The following SNX29 variants were observed in gnomAD, a reference collection of about 807,000 sequenced individuals.
SNX29 encodes the protein sorting nexin-29.
In SNX29, 78 loss-of-function variants were observed where a neutral mutation model predicts 102.1. The ratio of observed to expected loss-of-function variants is 0.76; its 90% CI spans 0.64 to 0.92. The LOEUF is 0.92. Ranked by LOEUF, SNX29 falls within the 40% of genes least tolerant of loss-of-function variation. The pLI is 0.00. For missense variants in SNX29, 1,280 were observed against 1,061.7 expected, an observed-to-expected ratio of 1.21 and a Z score of -2.86; for synonymous variants, 580 against 414.5, an observed-to-expected ratio of 1.40 and a Z score of -4.85.
chr16:12,099,821 CT>C (rs1307404651), intron 11 of SNX29, among the ~76,000 whole-genome samples: 1 of 152,116 alleles, frequency 6.6e-6, no homozygotes, highest in African/African-American at 2.4e-5. Context: ...GTGCAGTGCC[CT>C]CATGACTGCC....
At chr16:12,371,749 C>G (rs756905829) in intron 16 of SNX29, among the ~76,000 whole-genome samples, 1 of 152,200 alleles carries the variant, frequency 6.6e-6, no homozygotes, top group South Asian at 2.1e-4. Context: ...CCAACTCTTG[C>G]CCCCAGTGCT....
At chr16:12,429,808 G>C (rs1232094102) in intron 18 of SNX29, among the ~76,000 whole-genome samples, 1 of 152,198 alleles carries the variant, frequency 6.6e-6, no homozygotes. Context: ...ATAGGTTTGT[G>C]GTTAGAGGAG....
intron 10 of SNX29, among the ~76,000 whole-genome samples, chr16:12,078,345 C>A (rs992327519): frequency 4.6e-5 from 7 of 151,916 alleles, no homozygotes; most frequent in African/African-American, 1.7e-4. Flanking sequence ...TGTGGTGGTG[C>A]GGGCCTGTAA....
At chr16:12,030,772 C>T (rs2057318545) in intron 4 of SNX29, among the ~76,000 whole-genome samples, 5 of 152,228 alleles carry the variant, frequency 3.3e-5, no homozygotes, top group Admixed American at 2.0e-4. Flanking sequence ...GATCTGGCTT[C>T]TTGGGCTCTC....
At chr16:12,027,251 G>T in intron 3 of SNX29, 69 bp from the exon 4 acceptor site, 1 of 1,594,036 alleles carries the variant, frequency 6.3e-7, no homozygotes. Flanking sequence ...ACTTCCTGGA[G>T]ATGCTGGGGC....
intron 15 of SNX29, among the ~76,000 whole-genome samples, chr16:12,335,572 A>G (rs2081421468): frequency 6.6e-6 from 1 of 152,082 alleles, no homozygotes; most frequent in Non-Finnish European, 1.5e-5. Flanking sequence ...GCTACTCAGG[A>G]GGCTGAGGTG....
intron 19 of SNX29, among the ~76,000 whole-genome samples, chr16:12,500,375 G>A (rs1222706113): frequency 2.6e-5 from 4 of 152,286 alleles, no homozygotes; most frequent in Admixed American, 6.5e-5. Context: ...CCCAGAAGGC[G>A]GAAATAACTG....
chr16:12,505,282 C>G (rs372856569), intron 19 of SNX29, among the ~76,000 whole-genome samples: 1 of 152,122 alleles, frequency 6.6e-6, no homozygotes, highest in Non-Finnish European at 1.5e-5. Context: ...TTACAAATAA[C>G]AGAAACTTTT....
chr16:11,994,955 G>C lies in SNX29; in HGVS notation c.8-4342G>C, dbSNP rs184870877. ...CATGGCTAGCAAGCAGGCCAGGCAG[G>C]ATGAGAGCTCAGGCCTTGTGACTTC... is the stretch of plus-strand genomic sequence containing the variant. On this transcript the variant is annotated intron_variant, in intron 1 of 20. Coordinates refer to ENST00000566228, the MANE Select transcript of SNX29 (RefSeq NM_032167.5). Among the ~76,000 whole-genome samples the C allele has an allele frequency of 2.0e-4, 30 of 152,280 alleles. No individual in the cohort carries two copies. In the South Asian group the frequency reaches 2.7e-3, roughly 14 times the overall value.
intron 3 of SNX29, among the ~76,000 whole-genome samples, chr16:12,013,541 A>ATATATATATATATG (rs1325376334): frequency 1.8e-4 from 21 of 119,218 alleles, no homozygotes; most frequent in East Asian, 1.6e-3. Flanking sequence ...ATATATATAT[A>ATATATATATATATG]TCGAGAGAGG....
intron 19 of SNX29, chr16:12,515,602 G>A (rs1434085969): frequency 8.2e-6 from 4 of 488,570 alleles, no homozygotes; most frequent in Admixed American, 2.3e-5. Flanking sequence ...GGTGACCTCC[G>A]AAGTCACCTC....
chr16:12,568,778 G>GATT lies in SNX29; in HGVS notation c.*151_*153dup. On this transcript the variant is annotated 3_prime_UTR_variant, in exon 21 of 21. Coordinates refer to ENST00000566228, the MANE Select transcript of SNX29 (RefSeq NM_032167.5). The stretch of plus-strand genomic sequence containing the variant: ...ATTCCCAACAGTTACACAACACCCC[G>GATT]ATTAAACTAATCAGTCTTCGAGCCG... 8.1e-7 allele frequency: 1 copy of GATT among 1,230,632 alleles called. No individual in the cohort carries two copies. The highest frequency in any genetic ancestry group is 1.5e-5 in the South Asian group (1 of 64,900). The allele number at this position is 1,230,632 out of a possible 1,614,324, so 76.2% of individuals were successfully genotyped here.
chr16:12,399,485 G>T (rs764561498), intron 17 of SNX29, among the ~76,000 whole-genome samples: 15 of 152,352 alleles, frequency 9.8e-5, no homozygotes, highest in Non-Finnish European at 1.8e-4. Context: ...AGAAAAGCCC[G>T]GGAAAAGTCC....
At chr16:12,443,057 G>C in intron 18 of SNX29, 2 of 455,924 alleles carry the variant, frequency 4.4e-6, no homozygotes, top group South Asian at 3.1e-5. Context: ...CAGCAGGCCA[G>C]GCGTCCAGCC....
At chr16:12,042,639 G>A (rs2049929650) in intron 4 of SNX29, among the ~76,000 whole-genome samples, 1 of 152,286 alleles carries the variant, frequency 6.6e-6, no homozygotes, top group African/African-American at 2.4e-5. Flanking sequence ...CATCCATGTT[G>A]CTGCATAGGA....
chr16:12,430,186 C>T (rs933512704), intron 18 of SNX29, among the ~76,000 whole-genome samples: 28 of 152,226 alleles, frequency 1.8e-4, no homozygotes, highest in African/African-American at 5.3e-4. Context: ...AGTTCATCCC[C>T]AAACCATCAG....
intron 3 of SNX29, among the ~76,000 whole-genome samples, chr16:12,008,520 C>G (rs1004597782): frequency 5.3e-4 from 80 of 152,204 alleles, no homozygotes; most frequent in African/African-American, 1.9e-3. Context: ...CCTCCCGCCT[C>G]GGCCTCCCAA....
At chr16:12,519,816 T>C (rs1380244424) in intron 19 of SNX29, among the ~76,000 whole-genome samples, 1 of 152,088 alleles carries the variant, frequency 6.6e-6, no homozygotes, top group Non-Finnish European at 1.5e-5. Context: ...GAGACCAGCC[T>C]GGCCAACATG....
intron 11 of SNX29, among the ~76,000 whole-genome samples, chr16:12,113,961 A>G (rs1175946263): frequency 6.6e-6 from 1 of 152,260 alleles, no homozygotes; most frequent in Non-Finnish European, 1.5e-5. Flanking sequence ...TTGTAGATGT[A>G]ACATCTGAGA....
Sources: allele counts gnomAD v4.1 joint callset (sites outside exome capture counted in the v4.1 genomes callset), GRCh38; gene constraint gnomAD v4.1.1; transcripts MANE v1.5; gene names NCBI Gene and HGNC (gene_info 2026-07-23, HGNC 2026-07-21).